Variants in CUL4A observed in about 807,000 individuals in gnomAD.
The protein encoded by CUL4A is cullin 4A, also known as cullin-4A.
A neutral mutation model predicts 95.5 loss-of-function variants in CUL4A; 16 were observed. That is an observed-to-expected ratio of 0.17 (90% confidence interval 0.11 to 0.25). The LOEUF is 0.25. CUL4A is among the 10% of genes least tolerant of loss of function. CUL4A has a pLI of 1.00. For synonymous variants in CUL4A, 380 were observed against 353.1 expected, an observed-to-expected ratio of 1.08 and a Z score of -0.85; for missense variants, 610 against 937.0, an observed-to-expected ratio of 0.65 and a Z score of 4.56.
chr13:113,208,306 G>A (rs1304281631), upstream of CUL4A: 1 of 1,431,260 alleles, frequency 7.0e-7, no homozygotes, highest in Non-Finnish European at 9.1e-7. Context: ...GGCCACACGT[G>A]CCAGCAAGTG....
upstream of CUL4A, chr13:113,208,960 G>T: frequency 2.6e-6 from 3 of 1,168,136 alleles, no homozygotes; most frequent in South Asian, 2.8e-5. Context: ...CTGACCCTTC[G>T]TCTGCCCCTT....
chr13:113,237,561 G>A (rs1335007240), intron 9 of CUL4A, among the ~76,000 whole-genome samples: 1 of 152,180 alleles, frequency 6.6e-6, no homozygotes, highest in Non-Finnish European at 1.5e-5. Flanking sequence ...GCTTCAAAGT[G>A]TGCTGAATTC....
intron 16 of CUL4A, among the ~76,000 whole-genome samples, chr13:113,254,200 C>T (rs935933525): frequency 2.0e-5 from 3 of 152,078 alleles, no homozygotes; most frequent in East Asian, 1.9e-4. Flanking sequence ...ATGTGCCTCT[C>T]GTGGGTCTGA....
rs189426451 is a variant in CUL4A at position 113,228,103 on chromosome 13, T to C, written c.438+58T>C. On this transcript the variant is annotated intron_variant, in intron 4 of 19. Coordinates refer to ENST00000375440, the MANE Select transcript of CUL4A (RefSeq NM_001008895.4). Reference sequence around the variant, plus strand: ...CCTCATCCATCTTCCCTCACCCACATGATTGAGAGCTGAGACATAGAAGTT... The same window carrying C: ...CCTCATCCATCTTCCCTCACCCACACGATTGAGAGCTGAGACATAGAAGTT... 689 of 1,268,586 alleles carry C rather than the reference T, an allele frequency of 5.4e-4. 3 individuals are homozygous for C. In the African/African-American group the frequency reaches 9.4e-3, roughly 17 times the overall value. 78.6% of individuals were successfully genotyped at this position (1,268,586 alleles called of 1,614,324 possible). A position where few individuals can be genotyped will look rare whatever the true frequency, so the allele number is the denominator to read the frequency against.
rs1197388632 is a variant in CUL4A at position 113,260,211 on chromosome 13, A to AAAAAAAAAAAAAAACAAAAC, written c.2032-388_2032-387insAAAAAACAAAACAAAAAAAA. Among the ~76,000 whole-genome samples, 23 of 119,524 alleles carry AAAAAAAAAAAAAAACAAAAC rather than the reference A, an allele frequency of 1.9e-4. 1 individual carries two copies. Among genetic ancestry groups the AAAAAAAAAAAAAAACAAAAC allele is most frequent in the African/African-American group, 7.6e-4 (21 of 27,712 alleles). 78.4% of individuals were successfully genotyped at this position (119,524 alleles called of 152,430 possible). On this transcript the variant is annotated intron_variant, in intron 18 of 19. Transcript: ENST00000375440. ...AGAGTGAGACTCCGTCTCAAAAAAA[A>AAAAAAAAAAAAAAACAAAAC]AAAAAAAACCATTTCCCATCAAATT...
intron 15 of CUL4A, among the ~76,000 whole-genome samples, chr13:113,246,336 G>A (rs1387316723): frequency 1.3e-5 from 2 of 152,230 alleles, no homozygotes; most frequent in East Asian, 3.8e-4. Flanking sequence ...GGCTTATTAA[G>A]CTGCGGTTCT....
chr13:113,254,147 G>T (rs1443855996), intron 16 of CUL4A, among the ~76,000 whole-genome samples: 2 of 152,070 alleles, frequency 1.3e-5, no homozygotes, highest in African/African-American at 4.8e-5. Context: ...ATGAGTCTGG[G>T]CTGGGTCCGC....
rs958212934 is a variant in CUL4A at position 113,265,113 on chromosome 13, C to G, written c.*1531C>G. The G allele has an allele frequency of 6.6e-6, 1 of 152,210 alleles. No individual in the cohort carries two copies. The highest frequency in any genetic ancestry group is 1.5e-5 in the Non-Finnish European group (1 of 68,034). 9.4% of individuals were successfully genotyped at this position (152,210 alleles called of 1,614,324 possible). On this transcript the variant is annotated 3_prime_UTR_variant, in exon 20 of 20. Coordinates refer to ENST00000375440, the MANE Select transcript of CUL4A (RefSeq NM_001008895.4). ...CATAACTCTTTAGCAGCTTTGACTACTAGTGCACTAGACAGAAGTCAGAGC... is the reference window on the plus strand; with the variant it reads ...CATAACTCTTTAGCAGCTTTGACTAGTAGTGCACTAGACAGAAGTCAGAGC...
At chr13:113,228,120 A>G (rs1265046543) in intron 4 of CUL4A, 75 bp downstream of exon 4, 13 of 1,116,580 alleles carry the variant, frequency 1.2e-5, no homozygotes, top group Non-Finnish European at 1.6e-5. Context: ...GAGCTGAGAC[A>G]TAGAAGTTCT....
intron 10 of CUL4A, among the ~76,000 whole-genome samples, chr13:113,242,359 A>G (rs1488370139): frequency 2.0e-5 from 3 of 152,228 alleles, no homozygotes; most frequent in African/African-American, 7.2e-5. Flanking sequence ...CAAGAGGTAT[A>G]TTGAATTAAT....
chr13:113,213,008 C>T (rs949715616), intron 2 of CUL4A, among the ~76,000 whole-genome samples: 4 of 152,086 alleles, frequency 2.6e-5, no homozygotes, highest in Non-Finnish European at 2.9e-5. Context: ...ATTTTAGAAT[C>T]GGCCAATTTG....
In CUL4A at chr13:113,211,161, C is replaced by G. The variant is rs78627829; in HGVS notation, c.264+1073C>G. Among the ~76,000 whole-genome samples, 11 of 152,326 alleles carry G rather than the reference C, an allele frequency of 7.2e-5. No homozygotes were observed. The East Asian group carries it at 1.7e-3, about 24-fold the overall frequency. On this transcript the variant is annotated intron_variant, in intron 2 of 19. Coordinates refer to ENST00000375440, the MANE Select transcript of CUL4A (RefSeq NM_001008895.4). ...CTGACTCCTAGCCCTTGGCGGTCCC[C>G]CATTTGCTTTCTGTTACTATATTTT...
chr13:113,227,559 A>G (rs1424437448), intron 3 of CUL4A, among the ~76,000 whole-genome samples: 1 of 152,192 alleles, frequency 6.6e-6, no homozygotes, highest in Non-Finnish European at 1.5e-5. Flanking sequence ...TATTCCAGTT[A>G]CTGAATGGTG....
At chr13:113,236,235 A>G (rs2139203021) in intron 8 of CUL4A, among the ~76,000 whole-genome samples, 1 of 152,250 alleles carries the variant, frequency 6.6e-6, no homozygotes, top group South Asian at 2.1e-4. Flanking sequence ...GCCTGTGGGA[A>G]ATCCAGGATC....
At chr13:113,243,349 A>G (rs528715783) in intron 11 of CUL4A, among the ~76,000 whole-genome samples, 189 bp downstream of exon 11, 1 of 152,254 alleles carries the variant, frequency 6.6e-6, no homozygotes, top group East Asian at 1.9e-4. Flanking sequence ...ACCTGCATGC[A>G]TGGGTGGAGG....
chr13:113,245,064 G>A lies in CUL4A; in HGVS notation c.1444+5G>A. ...TGTTGTCAAAGCTCAAGCATGGTAA[G>A]TATGTGGGGCCTGGGCTCCTCCCCT... On this transcript the variant is annotated splice_donor_5th_base_variant and intron_variant, in intron 13 of 19. Transcript: ENST00000375440. The A allele has an allele frequency of 6.2e-7, 1 of 1,613,066 alleles. No individual in the cohort carries two copies. Among genetic ancestry groups the A allele is most frequent in the Non-Finnish European group, 8.5e-7 (1 of 1,179,002 alleles).
At chr13:113,231,977 C>T (rs1051852487) in intron 5 of CUL4A, among the ~76,000 whole-genome samples, 2 of 145,118 alleles carry the variant, frequency 1.4e-5, no homozygotes, top group Non-Finnish European at 3.0e-5. Flanking sequence ...ATTAATAATA[C>T]TACCACCACC....
Position 113,266,883 on chromosome 13 carries a change from T to C in CUL4A, c.*3301T>C, listed in dbSNP as rs1328451522. On this transcript the variant is annotated 3_prime_UTR_variant, in exon 20 of 20. Coordinates refer to ENST00000375440, the MANE Select transcript of CUL4A (RefSeq NM_001008895.4). ...TACTTTTTTTGTAAATTGACTATTA[T>C]TGTATAAATTTATAGAGTATAAAGT... is the stretch of plus-strand genomic sequence containing the variant. 6.6e-6 allele frequency: 1 copy of C among 152,254 alleles called. No homozygotes were observed. The highest frequency in any genetic ancestry group is 6.5e-5 in the Admixed American group (1 of 15,280). The allele number at this position is 152,254 out of a possible 1,614,324, so 9.4% of individuals were successfully genotyped here.
intron 4 of CUL4A, 24 bp from the exon 5 acceptor site, chr13:113,229,422 A>C (rs2041228926): frequency 6.2e-7 from 1 of 1,607,550 alleles, no homozygotes; most frequent in African/African-American, 1.3e-5. Flanking sequence ...TCATAAGTAA[A>C]TGGTTCTCCT....
Sources: gnomAD v4.1 joint callset for allele counts (sites outside exome capture counted in the v4.1 genomes callset) on GRCh38, gnomAD v4.1.1 for gene constraint, MANE v1.5 for transcripts, NCBI Gene and HGNC (gene_info 2026-07-23, HGNC 2026-07-21) for gene names.